Variants in CCAR1 observed in about 807,000 individuals in gnomAD.
CCAR1 encodes the protein cell division cycle and apoptosis regulator protein 1.
In CCAR1, 78 loss-of-function variants were observed where a neutral mutation model predicts 163.8. That is an observed-to-expected ratio of 0.48 (90% confidence interval 0.40 to 0.57). The LOEUF (loss-of-function observed/expected upper bound fraction) is 0.57, where lower values mean the gene tolerates loss of function less well. Among genes scored for constraint, CCAR1 ranks in the 20% least tolerant of loss-of-function variants. The pLI is 0.00. For synonymous variants in CCAR1, 443 were observed against 460.7 expected, an observed-to-expected ratio of 0.96 and a Z score of 0.49; for missense variants, 1,019 against 1,365.2, an observed-to-expected ratio of 0.75 and a Z score of 4.00.
At chr10:68,779,151 ACTT>A (rs2056704032) in intron 19 of CCAR1, among the ~76,000 whole-genome samples, 1 of 150,768 alleles carries the variant, frequency 6.6e-6, no homozygotes, top group Non-Finnish European at 1.5e-5. Context: ...CTGAGACTAC[ACTT>A]CTTAGAATAC....
chr10:68,769,256 G>A (rs2056571637), intron 17 of CCAR1, among the ~76,000 whole-genome samples: 4 of 152,162 alleles, frequency 2.6e-5, no homozygotes, highest in African/African-American at 9.6e-5. Context: ...TTACAGGCAC[G>A]AACCACCATG....
intron 2 of CCAR1, among the ~76,000 whole-genome samples, chr10:68,723,059 C>G (rs1328527646): frequency 6.6e-6 from 1 of 151,970 alleles, no homozygotes; most frequent in African/African-American, 2.4e-5. Flanking sequence ...AGCTGTTTTA[C>G]ATAGTAGTTT....
intron 2 of CCAR1, 147 bp from the exon 3 acceptor site, chr10:68,736,729 C>A: frequency 1.7e-6 from 1 of 594,514 alleles, no homozygotes; most frequent in Non-Finnish European, 2.9e-6. Context: ...CATTGATGGA[C>A]ACTTAGGTTG....
At chr10:68,731,655 A>G (rs565649615) in intron 2 of CCAR1, among the ~76,000 whole-genome samples, 197 of 137,530 alleles carry the variant, frequency 1.4e-3, no homozygotes, top group Middle Eastern at 3.9e-3. Flanking sequence ...GAGTGCAGTG[A>G]CACAATCTCG....
chr10:68,731,258 T>A lies in CCAR1; in HGVS notation c.74-5618T>A, dbSNP rs547010086. ...CTTTGTACTTTGCAGATTACAGAAT[T>A]ACTTGCAGAATGTTGATTCTAATAA... On this transcript the variant is annotated intron_variant, in intron 2 of 24. Transcript: ENST00000265872. 2.6e-5 allele frequency among the ~76,000 whole-genome samples: 4 copies of A among 152,330 alleles called. No individual in the cohort carries two copies. The East Asian group carries it at 7.7e-4, about 29-fold the overall frequency.
Position 68,771,237 on chromosome 10 carries a change from T to C in CCAR1, c.2330T>C (p.Met777Thr). 6.3e-7 allele frequency: 1 copy of C among 1,590,534 alleles called. No homozygotes were observed. The highest frequency in any genetic ancestry group is 8.5e-7 in the Non-Finnish European group (1 of 1,173,828). Residue 777 changes from methionine to threonine, a missense_variant, in exon 18 of 25, where the codon ATG becomes ACG. Met to Thr is a moderately conservative substitution (Grantham distance 81, BLOSUM62 -1). Around this residue, in one of 4 missense-constraint regions of CCAR1, gnomAD observed 17 missense variants for 36.6 expected, o/e 0.47. Coordinates refer to ENST00000265872, the MANE Select transcript of CCAR1 (RefSeq NM_018237.4). The part of the protein sequence containing the change: ...VSLFAELFNE[M>T]LQRDFGVRIY... The stretch of plus-strand genomic sequence containing the variant: ...TTGTTTGCGGAACTTTTCAACGAAA[T>C]GCTTCAAAGAGATTTTGGTGTCCGT...
In CCAR1 at chr10:68,747,721, A is replaced by AT. The variant is rs201099936; in HGVS notation, c.826+164dup. ...TCTACTTCCATAGCTATGTGGAAGT[A>AT]TTTTTTTTTCTCTTAGTGATAAGAA... is the stretch of plus-strand genomic sequence containing the variant. On this transcript the variant is annotated intron_variant, in intron 8 of 24. Transcript: ENST00000265872. Among the ~76,000 whole-genome samples, 904 of 151,726 alleles carry AT rather than the reference A, an allele frequency of 6.0e-3. 1 individual carries two copies. Among genetic ancestry groups the AT allele is most frequent in the Non-Finnish European group, 9.7e-3 (658 of 67,870 alleles).
chr10:68,755,744 G>T (rs1426256612), intron 13 of CCAR1, among the ~76,000 whole-genome samples: 1 of 152,186 alleles, frequency 6.6e-6, no homozygotes, highest in East Asian at 1.9e-4. Flanking sequence ...AAAATAAACT[G>T]AAAATTTAAA....
intron 23 of CCAR1, among the ~76,000 whole-genome samples, chr10:68,789,257 A>C (rs1286903354): frequency 1.3e-5 from 2 of 151,926 alleles, no homozygotes; most frequent in Non-Finnish European, 2.9e-5. Flanking sequence ...ACAGTCATCT[A>C]AAAATAGAAC....
chr10:68,767,799 A>G (rs1038611753), intron 17 of CCAR1, among the ~76,000 whole-genome samples: 11 of 152,232 alleles, frequency 7.2e-5, no homozygotes, highest in African/African-American at 2.7e-4. Flanking sequence ...GATTATAGGC[A>G]TGAGCCATTT....
intron 4 of CCAR1, among the ~76,000 whole-genome samples, chr10:68,739,655 C>T (rs34640305): frequency 1.9e-4 from 29 of 152,164 alleles, no homozygotes; most frequent in Admixed American, 1.1e-3. Context: ...GTCTTGTTTT[C>T]AGAGTACCTT....
intron 19 of CCAR1, among the ~76,000 whole-genome samples, chr10:68,782,750 C>T (rs955567920): frequency 5.9e-5 from 9 of 152,128 alleles, no homozygotes; most frequent in African/African-American, 1.9e-4. Context: ...GTGAGAATGA[C>T]AATTGTTTAC....
intron 2 of CCAR1, among the ~76,000 whole-genome samples, chr10:68,734,059 CTTATT>C (rs1335624109): frequency 2.0e-5 from 3 of 151,780 alleles, no homozygotes; most frequent in East Asian, 3.9e-4. Flanking sequence ...TTGTTTCTTT[CTTATT>C]TTGTTATTTT....
At chr10:68,737,162 T>C (rs2056122455) in intron 3 of CCAR1, 114 bp downstream of exon 3, 2 of 738,000 alleles carry the variant, frequency 2.7e-6, no homozygotes, top group Non-Finnish European at 4.5e-6. Flanking sequence ...TTTATTATGC[T>C]GATTTCTTTT....
chr10:68,752,891 GAT>G (rs1219000471), intron 10 of CCAR1, among the ~76,000 whole-genome samples: 2 of 90,030 alleles, frequency 2.2e-5, no homozygotes, highest in Non-Finnish European at 4.6e-5. Flanking sequence ...AGAATAGATA[GAT>G]AGATAGATAG....
intron 19 of CCAR1, among the ~76,000 whole-genome samples, chr10:68,774,320 C>G (rs141847890): frequency 6.6e-6 from 1 of 152,108 alleles, no homozygotes; most frequent in Non-Finnish European, 1.5e-5. Context: ...GAGCTACATA[C>G]GTGTTCTAAA....
At chr10:68,735,866 AT>A (rs1564530408) in intron 2 of CCAR1, 1 of 151,712 alleles carries the variant, frequency 6.6e-6, no homozygotes, top group Non-Finnish European at 1.5e-5. Flanking sequence ...TCCTTTTTTT[AT>A]TTTTTGAGAT....
chr10:68,723,879 C>T (rs2055899576), intron 2 of CCAR1, among the ~76,000 whole-genome samples: 1 of 150,678 alleles, frequency 6.6e-6, no homozygotes, highest in African/African-American at 2.4e-5. Context: ...TAAATTTAGG[C>T]TGGGCGCGGT....
chr10:68,721,662 C>T (rs2055859442), intron 1 of CCAR1: 1 of 422,910 alleles, frequency 2.4e-6, no homozygotes, highest in South Asian at 1.6e-5. Flanking sequence ...GAGGCTTTCT[C>T]CGTGCGTGGT....
Sources: gnomAD v4.1 joint callset for allele counts (sites outside exome capture counted in the v4.1 genomes callset) on GRCh38, gnomAD v4.1.1 for gene constraint, gnomAD v4.1.1 regional missense constraint, MANE v1.5 for transcripts, NCBI Gene and HGNC (gene_info 2026-07-23, HGNC 2026-07-21) for gene names.